The following MGAT4C variants were observed in gnomAD, a reference collection of about 807,000 sequenced individuals.
MGAT4C encodes alpha-1,3-mannosyl-glycoprotein 4-beta-N-acetylglucosaminyltransferase C.
MGAT4C carries 19 observed loss-of-function variants against 40.1 expected under a neutral mutation model. That is an observed-to-expected ratio of 0.47 (90% CI 0.33 to 0.70). MGAT4C has a LOEUF of 0.70. Among genes scored for constraint, MGAT4C ranks in the 30% least tolerant of loss-of-function variants. The probability of loss-of-function intolerance (pLI) is 0.02; values close to 1 mark genes in which losing one functional copy is unlikely to be tolerated. For synonymous variants in MGAT4C, 181 were observed against 187.1 expected (o/e 0.97, Z 0.27); for missense variants, 491 against 563.2 (o/e 0.87, Z 1.30).
chr12:86,285,559 T>A lies in MGAT4C; in HGVS notation c.-57+48506A>T, dbSNP rs115388191. Among the ~76,000 whole-genome samples the A allele has an allele frequency of 3.0e-3, 454 of 152,044 alleles. 2 individuals carry two copies. The highest frequency in any genetic ancestry group is 0.01 in the African/African-American group (433 of 41,514). ...AATTTTGACAAAAGTTAGAAAACAATAATTACTGAAATAGAAATGAGGGAG... is the reference window on the plus strand; with the variant it reads ...AATTTTGACAAAAGTTAGAAAACAAAAATTACTGAAATAGAAATGAGGGAG... On this transcript the variant is annotated intron_variant, in intron 4 of 7. Coordinates refer to the MGAT4C transcript ENST00000548651.
intron 3 of MGAT4C, among the ~76,000 whole-genome samples, chr12:86,354,653 T>C (rs1186030649): frequency 6.6e-6 from 1 of 152,218 alleles, no homozygotes; most frequent in Non-Finnish European, 1.5e-5. Context: ...TGAAGGTATA[T>C]TAATAGAAAT....
chr12:86,750,937 G>T (rs1353489968), intron 1 of MGAT4C, among the ~76,000 whole-genome samples: 1 of 152,050 alleles, frequency 6.6e-6, no homozygotes, highest in East Asian at 1.9e-4. Context: ...GGCCTGGTCA[G>T]CCAGCATCTA....
chr12:85,990,014 T>C (rs1195085669), intron 2 of MGAT4C, among the ~76,000 whole-genome samples: 3 of 152,046 alleles, frequency 2.0e-5, no homozygotes, highest in Non-Finnish European at 2.9e-5. Context: ...ACTGAAAATA[T>C]TTAACTGGGA....
intron 2 of MGAT4C, among the ~76,000 whole-genome samples, chr12:86,523,630 G>A (rs1958832937): frequency 6.6e-6 from 1 of 152,084 alleles, no homozygotes; most frequent in Non-Finnish European, 1.5e-5. Context: ...CTCAGTTCAG[G>A]TTCTGAATAT....
chr12:86,281,500 T>C (rs943251638), intron 4 of MGAT4C, among the ~76,000 whole-genome samples: 13 of 152,080 alleles, frequency 8.5e-5, no homozygotes, highest in Non-Finnish European at 1.3e-4. Flanking sequence ...AATTATATTT[T>C]GGAGAAGTTT....
At chr12:86,659,792 T>A (rs74826223) in intron 2 of MGAT4C, among the ~76,000 whole-genome samples, 1 of 152,130 alleles carries the variant, frequency 6.6e-6, no homozygotes, top group African/African-American at 2.4e-5. Context: ...CCTGTGGAAC[T>A]TGCTGAAAAT....
rs1950677152 is a variant in MGAT4C at position 86,718,128 on chromosome 12, C to G, written c.-229+9081G>C. 1.3e-5 allele frequency among the ~76,000 whole-genome samples: 2 copies of G among 152,124 alleles called. 1 individual carries two copies. The highest frequency in any genetic ancestry group is 2.9e-5 in the Non-Finnish European group (2 of 68,024). ...GCCTACAATGCATAGGCAAGCCCCC[C>G]ACAACAAAATTGCCGGGCTTTAAAT... On this transcript the variant is annotated intron_variant, in intron 2 of 7. Coordinates refer to the MGAT4C transcript ENST00000548651.
At chr12:86,219,411 C>A (rs1229439881) in intron 1 of MGAT4C, among the ~76,000 whole-genome samples, 1 of 152,000 alleles carries the variant, frequency 6.6e-6, no homozygotes, top group Non-Finnish European at 1.5e-5. Context: ...TTTGTTAAAC[C>A]CATAATCCTG....
chr12:86,630,297 G>A (rs998757152), intron 2 of MGAT4C, among the ~76,000 whole-genome samples: 1 of 152,134 alleles, frequency 6.6e-6, no homozygotes, highest in Non-Finnish European at 1.5e-5. Flanking sequence ...GGACCAGACA[G>A]ATTCACAGCC....
intron 3 of MGAT4C, among the ~76,000 whole-genome samples, chr12:86,411,721 C>T (rs1456582493): frequency 3.3e-5 from 5 of 152,080 alleles, no homozygotes; most frequent in Non-Finnish European, 4.4e-5. Context: ...AAATTGGCTG[C>T]AGAAATCTAT....
chr12:86,453,134 C>T (rs1036588147), intron 2 of MGAT4C, among the ~76,000 whole-genome samples: 1 of 151,980 alleles, frequency 6.6e-6, no homozygotes, highest in East Asian at 1.9e-4. Context: ...ATGAATATGC[C>T]ACTCAAAGTG....
intron 1 of MGAT4C, among the ~76,000 whole-genome samples, chr12:86,824,552 T>A (rs946844423): frequency 2.6e-5 from 4 of 151,146 alleles, no homozygotes; most frequent in African/African-American, 7.3e-5. Context: ...TGGAAAGTAT[T>A]CCCTGCAGAT....
At chr12:86,011,632 G>T (rs1188392600) in intron 2 of MGAT4C, among the ~76,000 whole-genome samples, 1 of 152,152 alleles carries the variant, frequency 6.6e-6, no homozygotes, top group African/African-American at 2.4e-5. Context: ...TAGGTAGTAG[G>T]ATAGGGCCAA....
chr12:86,000,825 T>C (rs1331303379), intron 2 of MGAT4C, among the ~76,000 whole-genome samples: 1 of 152,146 alleles, frequency 6.6e-6, no homozygotes. Flanking sequence ...TTTCCAATTT[T>C]GAAAGTATAT....
chr12:86,441,267 T>C (rs1203103685), intron 2 of MGAT4C, among the ~76,000 whole-genome samples: 1 of 151,802 alleles, frequency 6.6e-6, no homozygotes, highest in Non-Finnish European at 1.5e-5. Flanking sequence ...TAAAAGCAGA[T>C]GCATAGACCA....
chr12:86,126,699 C>A (rs1593010477), intron 1 of MGAT4C, among the ~76,000 whole-genome samples: 1 of 152,226 alleles, frequency 6.6e-6, no homozygotes, highest in Middle Eastern at 3.4e-3. Flanking sequence ...CAGATATATA[C>A]AGTCATGTGC....
At chr12:86,463,829 T>G (rs933840991) in intron 2 of MGAT4C, among the ~76,000 whole-genome samples, 1 of 152,180 alleles carries the variant, frequency 6.6e-6, no homozygotes, top group Non-Finnish European at 1.5e-5. Flanking sequence ...TTATATCCAT[T>G]TCTACTGGGG....
intron 3 of MGAT4C, among the ~76,000 whole-genome samples, chr12:86,346,071 C>T (rs2897273): frequency 0.89 from 135,924 of 152,188 alleles, 60,873 homozygotes; most frequent in East Asian, 1. Context: ...GTTAATTTTA[C>T]TTCCAAATTT....
intron 1 of MGAT4C, among the ~76,000 whole-genome samples, chr12:86,225,671 C>T (rs1232267584): frequency 2.0e-5 from 3 of 151,790 alleles, no homozygotes; most frequent in Non-Finnish European, 4.4e-5. Flanking sequence ...TACAGCACAT[C>T]GATAGATTGA....
Sources: allele counts gnomAD v4.1 joint callset (sites outside exome capture counted in the v4.1 genomes callset), GRCh38; gene constraint gnomAD v4.1.1; transcripts MANE v1.5; gene names NCBI Gene and HGNC (gene_info 2026-07-23, HGNC 2026-07-21).